The following VARS1 variants were observed in gnomAD, a reference collection of about 807,000 sequenced individuals.
VARS1 encodes valine--tRNA ligase.
In VARS1, 92 loss-of-function variants were observed where a neutral mutation model predicts 161.0. The observed-to-expected ratio is 0.57, with a 90% CI of 0.48 to 0.68. The LOEUF is 0.68. Among genes scored for constraint, VARS1 ranks in the 30% least tolerant of loss-of-function variants. The pLI is 0.00. For missense variants in VARS1, 1,338 were observed against 1,695.9 expected, an observed-to-expected ratio of 0.79 and a Z score of 3.71; for synonymous variants, 595 against 682.5, an observed-to-expected ratio of 0.87 and a Z score of 2.00.
intron 4 of VARS1, 38 bp downstream of exon 4, chr6:31,792,719 G>A: frequency 6.2e-7 from 1 of 1,611,500 alleles, no homozygotes; most frequent in Non-Finnish European, 8.5e-7. Flanking sequence ...GAAGGCCCCA[G>A]GGAAGCCCCT....
Position 31,792,259 on chromosome 6 carries a change from C to G in VARS1, c.829G>C (p.Val277Leu). The change falls in exon 6 of 30, where the codon GTC (valine) becomes CTC (leucine). Residue 277 changes from valine (V) to leucine (L), a missense_variant. Val to Leu is a conservative substitution (Grantham distance 32). Around this residue, in one of 3 missense-constraint regions of VARS1, gnomAD observed 902 missense variants for 1,090.3 expected, o/e 0.83. Transcript: ENST00000375663. The stretch of plus-strand genomic sequence containing the variant: ...GGGGTTGGGAGGTCATAGGTAATGA[C>G]CCCAGGATCCCGTTTCTCCCTCTTC... ...PEKREKRDPG[V>L]ITYDLPTPPG... The G allele has an allele frequency of 1.2e-6, 2 of 1,613,938 alleles. No individual in the cohort carries two copies. The highest frequency in any genetic ancestry group is 1.7e-6 in the Non-Finnish European group (2 of 1,179,972).
At chr6:31,786,641 G>A (rs1408036442) in intron 8 of VARS1, among the ~76,000 whole-genome samples, 1 of 132,474 alleles carries the variant, frequency 7.5e-6, no homozygotes, top group East Asian at 2.2e-4. Flanking sequence ...ACTCCAGCCC[G>A]GATGACAGAG....
intron 8 of VARS1, among the ~76,000 whole-genome samples, chr6:31,790,633 A>G (rs1398026380): frequency 8.5e-6 from 1 of 117,300 alleles, no homozygotes; most frequent in African/African-American, 3.4e-5. Flanking sequence ...AAAAAAAAAG[A>G]ATGACTTCAC....
At position 31,779,013 on chromosome 6, in the gene VARS1, T is replaced by C; in HGVS notation, c.3680A>G (p.Tyr1227Cys). 3.7e-6 allele frequency: 6 copies of C among 1,613,024 alleles called. No individual in the cohort carries two copies. Among genetic ancestry groups the C allele is most frequent in the Non-Finnish European group, 5.1e-6 (6 of 1,180,034 alleles). Residue 1227 changes from tyrosine (Y) to cysteine (C), a missense_variant, in exon 29 of 30, where the codon TAT (tyrosine) becomes TGT (cysteine). Tyr to Cys is a radical substitution (Grantham distance 194). Transcript: ENST00000375663. The surrounding 1 kb of genome is among the most constrained non-coding windows in gnomAD (Gnocchi z 9.1). Reference sequence around the variant, plus strand: ...GACTTCGAGCGGCACCTTGACAGGATAGCCCGAGGCAGCACGGCGTTCCCG... The same window carrying C: ...GACTTCGAGCGGCACCTTGACAGGACAGCCCGAGGCAGCACGGCGTTCCCG... ...RLRERRAASG[Y>C]PVKVPLEVQE...
Position 31,781,078 on chromosome 6 carries a change from T to C in VARS1, c.2590A>G (p.Ser864Gly). Residue 864 changes from serine (S) to glycine (G), a missense_variant, in exon 22 of 30, where the codon AGC (serine) becomes GGC (glycine). By Grantham distance (56) the Ser-to-Gly change is moderately conservative (BLOSUM62 0). Coordinates refer to ENST00000375663, the MANE Select transcript of VARS1 (RefSeq NM_006295.3). The surrounding 1 kb of genome is among the most constrained non-coding windows in gnomAD (Gnocchi z 6.8). ...TCGATGACATTGCCTAGAGACTTGC[T>C]CATCTTCCGGCCGTGAGCATCTCGC... ...IVRDAHGRKM[S>G]KSLGNVIDPL... 1 of 1,613,514 alleles carries C rather than the reference T, an allele frequency of 6.2e-7. No individual in the cohort carries two copies. Among genetic ancestry groups the C allele is most frequent in the Non-Finnish European group, 8.5e-7 (1 of 1,179,968 alleles).
Position 31,782,653 on chromosome 6 carries a change from C to T in VARS1, c.1888-20G>A. 1 of 1,613,094 alleles carries T rather than the reference C, an allele frequency of 6.2e-7. No homozygotes were observed. Among genetic ancestry groups the T allele is most frequent in the Non-Finnish European group, 8.5e-7 (1 of 1,180,030 alleles). The stretch of plus-strand genomic sequence containing the variant: ...CAGGCCCTGGGTAGGAATGAGGCCT[C>T]ATCATGGCGATGCCCAGCCATCCCT... On this transcript the variant is annotated intron_variant, in intron 15 of 29. Transcript: ENST00000375663. The surrounding 1 kb of genome is among the most constrained non-coding windows in gnomAD (Gnocchi z 8.3).
chr6:31,791,813 T>C lies in VARS1; in HGVS notation c.972+58A>G. On this transcript the variant is annotated intron_variant, in intron 7 of 29. Coordinates refer to ENST00000375663, the MANE Select transcript of VARS1 (RefSeq NM_006295.3). This position sits in a 1 kb window ranked among gnomAD's most constrained non-coding sequence, Gnocchi z 5.0. ...CAGCCCCTCCCAGGCAACACATCCTTCAGTCCTGCCCTTCCCCACCCCACC... is the reference window on the plus strand; with the variant it reads ...CAGCCCCTCCCAGGCAACACATCCTCCAGTCCTGCCCTTCCCCACCCCACC... 6 of 1,612,870 alleles carry C rather than the reference T, an allele frequency of 3.7e-6. No individual in the cohort carries two copies. The highest frequency in any genetic ancestry group is 1.7e-6 in the Non-Finnish European group (2 of 1,179,930).
At chr6:31,787,548 G>C (rs969706130) in intron 8 of VARS1, among the ~76,000 whole-genome samples, 3 of 152,220 alleles carry the variant, frequency 2.0e-5, no homozygotes, top group South Asian at 2.1e-4. Flanking sequence ...AGGAGACTGA[G>C]ACACAAGAAT....
At chr6:31,789,642 C>T (rs552928558) in intron 8 of VARS1, among the ~76,000 whole-genome samples, 7 of 152,312 alleles carry the variant, frequency 4.6e-5, no homozygotes, top group African/African-American at 1.4e-4. Flanking sequence ...TCCACACATG[C>T]TTCAGCAAGC....
chr6:31,781,706 C>G lies in VARS1; in HGVS notation c.2403G>C (p.Leu801Phe). 6.2e-7 allele frequency: 1 copy of G among 1,612,990 alleles called. No individual in the cohort carries two copies. Among genetic ancestry groups the G allele is most frequent in the Non-Finnish European group, 8.5e-7 (1 of 1,179,984 alleles). Reference sequence around the variant, plus strand: ...AGGAACACACCTGGTTGGGCCAGCCCAAAATGGATAAGGGGAAGAGGCCAG... The same window carrying G: ...AGGAACACACCTGGTTGGGCCAGCCGAAAATGGATAAGGGGAAGAGGCCAG... ...FSSGLFPLSI[L>F]GWPNQSEDLS... Residue 801 changes from leucine to phenylalanine, a missense_variant, in exon 20 of 30, where the codon TTG (leucine) becomes TTC (phenylalanine). Physicochemically the swap from Leu to Phe is conservative, Grantham distance 22 (BLOSUM62 0). This residue lies in a region of VARS1 where 902 missense variants were observed against 1,090.3 expected (regional missense o/e 0.83). Coordinates refer to ENST00000375663, the MANE Select transcript of VARS1 (RefSeq NM_006295.3). The surrounding 1 kb of genome is among the most constrained non-coding windows in gnomAD (Gnocchi z 6.8).
chr6:31,785,396 G>T lies in VARS1; in HGVS notation c.1266-69C>A. The T allele has an allele frequency of 6.3e-7, 1 of 1,591,260 alleles. No individual in the cohort carries two copies. The highest frequency in any genetic ancestry group is 8.6e-7 in the Non-Finnish European group (1 of 1,164,018). On this transcript the variant is annotated intron_variant, in intron 9 of 29. Coordinates refer to ENST00000375663, the MANE Select transcript of VARS1 (RefSeq NM_006295.3). This position sits in a 1 kb window ranked among gnomAD's most constrained non-coding sequence, Gnocchi z 6.1. ...AGGGAGACATCAGGTGGCTGACTGG[G>T]CAGTGTGGAGATCACCCATCCCCCT...
At position 31,782,908 on chromosome 6, in the gene VARS1, C is replaced by G; in HGVS notation, c.1763-63G>C. On this transcript the variant is annotated intron_variant, in intron 14 of 29. Transcript: ENST00000375663. The surrounding 1 kb of genome is among the most constrained non-coding windows in gnomAD (Gnocchi z 8.3). Reference sequence around the variant, plus strand: ...CCACGGAGTTCCTTCCTACACTCACCTCTTTTGCTGAAGGATGTAGCTCCG... The same window carrying G: ...CCACGGAGTTCCTTCCTACACTCACGTCTTTTGCTGAAGGATGTAGCTCCG... The G allele has an allele frequency of 2.5e-6, 4 of 1,569,026 alleles. No homozygotes were observed. In the South Asian group the frequency reaches 4.8e-5, roughly 19 times the overall value.
intron 6 of VARS1, 86 bp downstream of exon 6, chr6:31,792,131 A>T: frequency 6.5e-7 from 1 of 1,536,736 alleles, no homozygotes; most frequent in Non-Finnish European, 8.9e-7. Context: ...CTCACCAAAC[A>T]AAGTGGTGAG....
intron 8 of VARS1, among the ~76,000 whole-genome samples, chr6:31,786,211 G>C (rs1813491283): frequency 6.6e-6 from 1 of 152,074 alleles, no homozygotes; most frequent in Non-Finnish European, 1.5e-5. Context: ...AGCAAGCTGG[G>C]ATCATGCCAT....
In VARS1 at chr6:31,780,394, A is replaced by G. The variant is rs758927566; in HGVS notation, c.2925+47T>C. 1 of 1,595,288 alleles carries G rather than the reference A, an allele frequency of 6.3e-7. No individual in the cohort carries two copies. The highest frequency in any genetic ancestry group is 1.7e-5 in the Admixed American group (1 of 58,826). On this transcript the variant is annotated intron_variant, in intron 25 of 29. Transcript: ENST00000375663. This position sits in a 1 kb window ranked among gnomAD's most constrained non-coding sequence, Gnocchi z 5.1. ...CATGGAGGCTGCTCCGGACAGGGGTACAGCCTGTGTGAGTGCTGCCAGCTT... is the reference window on the plus strand; with the variant it reads ...CATGGAGGCTGCTCCGGACAGGGGTGCAGCCTGTGTGAGTGCTGCCAGCTT...
intron 5 of VARS1, 38 bp from the exon 6 acceptor site, chr6:31,792,339 C>T: frequency 1.2e-6 from 2 of 1,613,914 alleles, no homozygotes; most frequent in African/African-American, 2.7e-5. Flanking sequence ...CAGGCATCAG[C>T]CAACCCATCA....
intron 13 of VARS1, 48 bp from the exon 14 acceptor site, chr6:31,783,234 G>C (rs769000648): frequency 6.3e-7 from 1 of 1,577,450 alleles, no homozygotes; most frequent in South Asian, 1.1e-5. Flanking sequence ...GCCAGACGCC[G>C]TGATTCCCAC....
Position 31,785,558 on chromosome 6 carries a change from T to G in VARS1, c.1265+11A>C. 6.3e-7 allele frequency: 1 copy of G among 1,597,544 alleles called. No individual in the cohort carries two copies. The highest frequency in any genetic ancestry group is 1.1e-5 in the South Asian group (1 of 89,130). ...AGGGCTGCGATGCCCACAGGGATGC[T>G]GCATACTCACTCCTCCTTCCACTTC... On this transcript the variant is annotated intron_variant, in intron 9 of 29. Transcript: ENST00000375663. This position sits in a 1 kb window ranked among gnomAD's most constrained non-coding sequence, Gnocchi z 6.1.
chr6:31,784,188 T>C lies in VARS1; in HGVS notation c.1671+26A>G. 1.2e-6 allele frequency: 2 copies of C among 1,613,804 alleles called. No homozygotes were observed. Among genetic ancestry groups the C allele is most frequent in the Non-Finnish European group, 1.7e-6 (2 of 1,179,808 alleles). On this transcript the variant is annotated intron_variant, in intron 13 of 29. Coordinates refer to ENST00000375663, the MANE Select transcript of VARS1 (RefSeq NM_006295.3). This position sits in a 1 kb window ranked among gnomAD's most constrained non-coding sequence, Gnocchi z 6.1. The stretch of plus-strand genomic sequence containing the variant: ...GGGAGCCCTTTTTGGCCAGAACTCC[T>C]TCCCTAACTGTGGACAGTCCCCCAC...
Sources: gnomAD v4.1 joint callset for allele counts (sites outside exome capture counted in the v4.1 genomes callset) on GRCh38, gnomAD v4.1.1 for gene constraint, gnomAD v4.1.1 regional missense constraint, Gnocchi (gnomAD v3.1) non-coding constraint, MANE v1.5 for transcripts, NCBI Gene and HGNC (gene_info 2026-07-23, HGNC 2026-07-21) for gene names.